The following NYAP2 variants were observed in gnomAD, a reference collection of about 807,000 sequenced individuals.
The protein encoded by NYAP2 is neuronal tyrosine-phosphorylated phosphoinositide-3-kinase adapter 2.
Under a neutral mutation model 50.4 loss-of-function variants are expected in NYAP2, and 23 were observed. That is an observed-to-expected ratio of 0.46 (90% CI 0.33 to 0.65). The LOEUF (loss-of-function observed/expected upper bound fraction) is 0.65. Among genes scored for constraint, NYAP2 ranks in the 30% least tolerant of loss-of-function variants. The pLI is 0.02. For missense variants in NYAP2, 885 were observed against 861.0 expected, an observed-to-expected ratio of 1.03 and a Z score of -0.35; for synonymous variants, 394 against 365.2, an observed-to-expected ratio of 1.08 and a Z score of -0.90.
chr2:225,525,417 CA>C (rs1198382805), intron 4 of NYAP2, among the ~76,000 whole-genome samples: 1 of 152,092 alleles, frequency 6.6e-6, no homozygotes, highest in Non-Finnish European at 1.5e-5. Flanking sequence ...CATACACATA[CA>C]AATGGATCAT....
intron 6 of NYAP2, among the ~76,000 whole-genome samples, chr2:225,640,394 C>T (rs1160448596): frequency 6.6e-6 from 1 of 152,008 alleles, no homozygotes; most frequent in African/African-American, 2.4e-5. Flanking sequence ...TTTCTTTGGT[C>T]CAGTCATTTA....
At chr2:225,432,832 C>T (rs1056741765) in intron 3 of NYAP2, among the ~76,000 whole-genome samples, 8 of 152,244 alleles carry the variant, frequency 5.3e-5, no homozygotes, top group Non-Finnish European at 8.8e-5. Context: ...CATACAAATT[C>T]CCTCTTGTGA....
At chr2:225,539,602 A>T (rs1485931138) in intron 4 of NYAP2, among the ~76,000 whole-genome samples, 1 of 152,074 alleles carries the variant, frequency 6.6e-6, no homozygotes, top group Non-Finnish European at 1.5e-5. Flanking sequence ...ACCAGTGTTG[A>T]TGAGCTTATT....
At chr2:225,421,492 A>G (rs560464834) in intron 3 of NYAP2, among the ~76,000 whole-genome samples, 2 of 152,330 alleles carry the variant, frequency 1.3e-5, no homozygotes, top group South Asian at 2.1e-4. Context: ...AAGAAAGACA[A>G]TGGGGAAATA....
At chr2:225,610,297 C>T (rs1312748176) in intron 5 of NYAP2, among the ~76,000 whole-genome samples, 3 of 152,068 alleles carry the variant, frequency 2.0e-5, no homozygotes, top group Admixed American at 6.6e-5. Flanking sequence ...TGCAGATGGC[C>T]ACCTTCTTGT....
intron 4 of NYAP2, among the ~76,000 whole-genome samples, chr2:225,547,228 G>A (rs1691600361): frequency 1.3e-5 from 2 of 152,128 alleles, no homozygotes; most frequent in Admixed American, 1.3e-4. Flanking sequence ...CCACTGGGTA[G>A]CCCACTGCCC....
intron 5 of NYAP2, among the ~76,000 whole-genome samples, chr2:225,593,817 G>A (rs758295587): frequency 6.6e-6 from 1 of 152,172 alleles, no homozygotes; most frequent in African/African-American, 2.4e-5. Context: ...AGCCATATAA[G>A]AAATGTTTGA....
the NYAP2 span, among the ~76,000 whole-genome samples, chr2:225,694,661 CAG>C: frequency 6.6e-6 from 1 of 151,706 alleles, no homozygotes; most frequent in Non-Finnish European, 1.5e-5. Context: ...CACATCTTAA[CAG>C]AAATATTTTG....
chr2:225,518,524 A>ACT (rs1690976505), intron 4 of NYAP2, among the ~76,000 whole-genome samples: 1 of 5,438 alleles, frequency 1.8e-4, no homozygotes, highest in African/African-American at 1.9e-3. Flanking sequence ...GTGAGCTAAT[A>ACT]TATATATATA....
chr2:225,632,120 C>T (rs1003516674), intron 6 of NYAP2, among the ~76,000 whole-genome samples: 4 of 152,180 alleles, frequency 2.6e-5, no homozygotes, highest in African/African-American at 9.7e-5. Flanking sequence ...GTGTTTTAAG[C>T]AAACCATGCA....
At chr2:225,464,101 T>A (rs930326918) in intron 3 of NYAP2, among the ~76,000 whole-genome samples, 3 of 152,176 alleles carry the variant, frequency 2.0e-5, no homozygotes, top group African/African-American at 7.2e-5. Context: ...AAGGAAAGCC[T>A]GTCTTCCTAG....
At chr2:225,696,610 C>T in the NYAP2 span, among the ~76,000 whole-genome samples, 1 of 151,900 alleles carries the variant, frequency 6.6e-6, no homozygotes, top group African/African-American at 2.4e-5. Context: ...TAGCTTTGTT[C>T]ACACCAAAAC....
chr2:225,606,106 G>C lies in NYAP2; in HGVS notation c.1619-20811G>C, dbSNP rs543472069. On this transcript the variant is annotated intron_variant, in intron 5 of 6. Coordinates refer to ENST00000636099, the Ensembl canonical transcript of NYAP2. ...TAGAATCCTAGTAGAAGATCATTGAGTCTAAATTCCTCATTTACAGTTAAG... is the reference window on the plus strand; with the variant it reads ...TAGAATCCTAGTAGAAGATCATTGACTCTAAATTCCTCATTTACAGTTAAG... Among the ~76,000 whole-genome samples the C allele has an allele frequency of 3.9e-5, 6 of 152,214 alleles. No homozygotes were observed. The South Asian group carries it at 1.2e-3, about 32-fold the overall frequency.
chr2:225,583,550 T>A, intron 5 of NYAP2, among the ~76,000 whole-genome samples: 1 of 151,832 alleles, frequency 6.6e-6, no homozygotes, highest in East Asian at 1.9e-4. Context: ...ATATTCCTAT[T>A]TAAAAGAAGA....
At chr2:225,493,382 A>G (rs1400371548) in intron 3 of NYAP2, among the ~76,000 whole-genome samples, 1 of 152,238 alleles carries the variant, frequency 6.6e-6, no homozygotes, top group Non-Finnish European at 1.5e-5. Flanking sequence ...CTGCCTCAGC[A>G]AGAAGCATGG....
chr2:225,536,673 A>T (rs1285396883), intron 4 of NYAP2, among the ~76,000 whole-genome samples: 1 of 152,170 alleles, frequency 6.6e-6, no homozygotes, highest in African/African-American at 2.4e-5. Context: ...TTTGTGTACT[A>T]AACAATCCAG....
the NYAP2 span, among the ~76,000 whole-genome samples, chr2:225,684,627 T>C: frequency 6.4e-4 from 97 of 151,968 alleles, no homozygotes; most frequent in African/African-American, 2.2e-3. Flanking sequence ...TCTCAGCTCA[T>C]TGCAACCTCC....
At chr2:225,647,096 C>T (rs1693648283) in intron 6 of NYAP2, among the ~76,000 whole-genome samples, 1 of 151,890 alleles carries the variant, frequency 6.6e-6, no homozygotes, top group Non-Finnish European at 1.5e-5. Context: ...ATATCTTCAA[C>T]ATAAACTGGA....
intron 4 of NYAP2, among the ~76,000 whole-genome samples, chr2:225,579,281 A>G (rs1692227806): frequency 6.6e-6 from 1 of 152,118 alleles, no homozygotes; most frequent in Admixed American, 6.5e-5. Flanking sequence ...TGGGGACCCA[A>G]TTCAGTCAAT....
Sources: gnomAD v4.1 joint callset for allele counts (sites outside exome capture counted in the v4.1 genomes callset) on GRCh38, gnomAD v4.1.1 for gene constraint, MANE v1.5 for transcripts, NCBI Gene and HGNC (gene_info 2026-07-23, HGNC 2026-07-21) for gene names.